RICTOR: variants seen among roughly 807,000 people sequenced by gnomAD.
RICTOR encodes RPTOR independent companion of MTOR complex 2.
RICTOR carries 49 observed loss-of-function variants against 214.9 expected under a neutral mutation model. The observed-to-expected ratio is 0.23, with a 90% CI of 0.18 to 0.29. The LOEUF (loss-of-function observed/expected upper bound fraction) is 0.29, where lower values mean the gene tolerates loss of function less well. Among genes scored for constraint, RICTOR ranks in the 10% least tolerant of loss-of-function variants. The pLI is 1.00. For synonymous variants in RICTOR, 717 were observed against 711.3 expected, an observed-to-expected ratio of 1.01 and a Z score of -0.13; for missense variants, 1,625 against 2,047.0, an observed-to-expected ratio of 0.79 and a Z score of 3.98.
chr5:39,011,393 A>T (rs1478587381), intron 3 of RICTOR, among the ~76,000 whole-genome samples: 2 of 152,172 alleles, frequency 1.3e-5, no homozygotes. Flanking sequence ...TTCTGCTAGG[A>T]CACTGTGGAA....
intron 2 of RICTOR, among the ~76,000 whole-genome samples, chr5:39,025,701 G>A (rs577125505): frequency 6.6e-6 from 1 of 152,258 alleles, no homozygotes; most frequent in African/African-American, 2.4e-5. Flanking sequence ...GGGAAATGGG[G>A]CTAGAGAACT....
At chr5:38,955,373 T>C (rs1182692430) in intron 26 of RICTOR, among the ~76,000 whole-genome samples, 2 of 151,974 alleles carry the variant, frequency 1.3e-5, no homozygotes, top group Non-Finnish European at 2.9e-5. Context: ...TAAGAGAATC[T>C]AGGCCTAGAA....
rs761487766 is a variant in RICTOR at position 38,942,897 on chromosome 5, C to T, written c.4988G>A (p.Cys1663Tyr). 2 of 1,608,196 alleles carry T rather than the reference C, an allele frequency of 1.2e-6. No individual in the cohort carries two copies. The highest frequency in any genetic ancestry group is 1.7e-6 in the Non-Finnish European group (2 of 1,174,664). The change falls in exon 37 of 38, where the codon TGC becomes TAC. Residue 1663 changes from cysteine to tyrosine, a missense_variant. Cys to Tyr is a radical substitution (Grantham distance 194). Transcript: ENST00000357387. ...CCTCCGACACGGAAGTCTGAATGTGCAGTGTGACAGCAAATGGGAAACCTC... is the reference window on the plus strand; with the variant it reads ...CCTCCGACACGGAAGTCTGAATGTGTAGTGTGACAGCAAATGGGAAACCTC... Reference protein sequence around the residue: ...YSEVSHLLSHCTFRLPCRRFI... With the variant: ...YSEVSHLLSHYTFRLPCRRFI...
At chr5:38,957,609 G>T in intron 25 of RICTOR, 43 bp downstream of exon 25, 1 of 1,039,468 alleles carries the variant, frequency 9.6e-7, no homozygotes, top group Non-Finnish European at 1.5e-6. Flanking sequence ...AATTTCAGAA[G>T]ATAAAAACAC....
intron 36 of RICTOR, chr5:38,943,220 T>C (rs1391768071): frequency 2.7e-6 from 1 of 367,588 alleles, no homozygotes; most frequent in Non-Finnish European, 4.9e-6. Context: ...GAAGCATTCT[T>C]TTTTATTGGC....
intron 2 of RICTOR, among the ~76,000 whole-genome samples, chr5:39,038,922 C>A (rs1289058642): frequency 1.3e-5 from 2 of 152,074 alleles, no homozygotes; most frequent in South Asian, 4.2e-4. Context: ...ATGCCATCCC[C>A]ATCAAGCTAC....
At position 38,946,461 on chromosome 5, in the gene RICTOR, G is replaced by C; in HGVS notation, c.4399+7C>G. ...GCATCTCACAAGTACAATGCACAAT[G>C]CATTACCTCCTGCATCATGGGCAAA... On this transcript the variant is annotated splice_region_variant and intron_variant, in intron 33 of 37. Coordinates refer to ENST00000357387, the MANE Select transcript of RICTOR (RefSeq NM_152756.5). 1 of 1,571,158 alleles carries C rather than the reference G, an allele frequency of 6.4e-7. No individual in the cohort carries two copies. The highest frequency in any genetic ancestry group is 8.8e-7 in the Non-Finnish European group (1 of 1,141,042).
intron 2 of RICTOR, among the ~76,000 whole-genome samples, chr5:39,041,632 T>A (rs1757174174): frequency 6.6e-6 from 1 of 152,098 alleles, no homozygotes; most frequent in African/African-American, 2.4e-5. Flanking sequence ...AAGTCTAGAT[T>A]TCCGGATTGG....
intron 10 of RICTOR, among the ~76,000 whole-genome samples, chr5:38,974,447 G>C (rs1448500091): frequency 1.3e-5 from 2 of 152,130 alleles, no homozygotes; most frequent in Non-Finnish European, 2.9e-5. Context: ...ATCATTACAG[G>C]AAGCGTAGAG....
chr5:39,036,232 G>A (rs1756681349), intron 2 of RICTOR, among the ~76,000 whole-genome samples: 1 of 152,140 alleles, frequency 6.6e-6, no homozygotes, highest in Non-Finnish European at 1.5e-5. Flanking sequence ...CATAAGTGAA[G>A]GAGAAATAAA....
chr5:39,058,692 T>C (rs1249358591), intron 2 of RICTOR, among the ~76,000 whole-genome samples: 1 of 152,170 alleles, frequency 6.6e-6, no homozygotes, highest in Non-Finnish European at 1.5e-5. Context: ...CAAATATTGA[T>C]ATTTCCACAT....
In RICTOR at chr5:38,952,994, G is replaced by C; in HGVS notation, c.2888C>G (p.Ser963Cys). The C allele has an allele frequency of 6.3e-7, 1 of 1,597,124 alleles. No individual in the cohort carries two copies. The highest frequency in any genetic ancestry group is 8.6e-7 in the Non-Finnish European group (1 of 1,166,436). The change falls in exon 29 of 38, where the codon TCC (serine) becomes TGC (cysteine). Residue 963 changes from serine (S) to cysteine (C), a missense_variant. By Grantham distance (112) the Ser-to-Cys change is moderately radical. Around this residue, in one of 5 missense-constraint regions of RICTOR, gnomAD observed 1,214 missense variants for 1,470.5 expected, o/e 0.83. Coordinates refer to ENST00000357387, the MANE Select transcript of RICTOR (RefSeq NM_152756.5). ...GAGTTAAATGACCTACCCTCTGATG[G>C]AAAGAACTTCACACTGTTTTGCAAG... ...LKLAKQCEVL[S>C]IRGTCVYVLG...
intron 5 of RICTOR, among the ~76,000 whole-genome samples, chr5:38,998,453 C>T (rs1417835292): frequency 1.3e-5 from 2 of 152,138 alleles, no homozygotes; most frequent in Non-Finnish European, 2.9e-5. Flanking sequence ...TCCCAAAATG[C>T]TGGGATTACA....
At chr5:39,037,362 G>C (rs868611949) in intron 2 of RICTOR, among the ~76,000 whole-genome samples, 2 of 151,948 alleles carry the variant, frequency 1.3e-5, no homozygotes, top group Admixed American at 6.6e-5. Context: ...ACAAGAGAAA[G>C]CAGGAAAGAT....
chr5:39,046,243 C>T (rs193245697), intron 2 of RICTOR, among the ~76,000 whole-genome samples: 264 of 150,986 alleles, frequency 1.7e-3, no homozygotes, highest in African/African-American at 5.9e-3. Context: ...ATACGCCTGT[C>T]GTCCCAGCTA....
At position 38,982,014 on chromosome 5, in the gene RICTOR, C is replaced by A; in HGVS notation, c.606G>T (p.Val202=). Residue 202 remains valine (V), a synonymous_variant, in exon 8 of 38, where the codon GTG becomes GTT. Coordinates refer to ENST00000357387, the MANE Select transcript of RICTOR (RefSeq NM_152756.5). ...TGGTGTTTAGTCCACCTCGAAGGGC[C>A]ACCACCTCTGGATTCTGAAGTGCTA... ...CELALQNPEV[V]ALRGGLNTIL... The A allele has an allele frequency of 6.2e-7, 1 of 1,612,166 alleles. No homozygotes were observed.
chr5:38,967,482 G>T, intron 12 of RICTOR, 55 bp from the exon 13 acceptor site: 1 of 1,315,702 alleles, frequency 7.6e-7, no homozygotes, highest in Non-Finnish European at 1.1e-6. Context: ...AAACATTTCA[G>T]ATAAGTATAA....
intron 34 of RICTOR, 93 bp downstream of exon 34, chr5:38,945,398 C>T (rs1748077081): frequency 2.4e-6 from 2 of 830,040 alleles, no homozygotes; most frequent in Admixed American, 2.5e-5. Flanking sequence ...CTGGGAAACT[C>T]TGAATTAGAA....
At chr5:38,987,282 G>C (rs914231130) in intron 7 of RICTOR, among the ~76,000 whole-genome samples, 2 of 152,152 alleles carry the variant, frequency 1.3e-5, no homozygotes, top group African/African-American at 4.8e-5. Context: ...TGTTTGGAAC[G>C]GTTTCAGAAG....
Sources: gnomAD v4.1 joint callset for allele counts (sites outside exome capture counted in the v4.1 genomes callset) on GRCh38, gnomAD v4.1.1 for gene constraint, gnomAD v4.1.1 regional missense constraint, MANE v1.5 for transcripts, NCBI Gene and HGNC (gene_info 2026-07-23, HGNC 2026-07-21) for gene names.